Variants in CALCRL observed in about 807,000 individuals in gnomAD.
The protein encoded by CALCRL is calcitonin gene-related peptide type 1 receptor.
CALCRL carries 27 observed loss-of-function variants against 60.4 expected under a neutral mutation model. That is an observed-to-expected ratio of 0.45 (90% confidence interval 0.33 to 0.62). The LOEUF (loss-of-function observed/expected upper bound fraction) is 0.62, where lower values mean the gene tolerates loss of function less well. Among genes scored for constraint, CALCRL ranks in the 20% least tolerant of loss-of-function variants. CALCRL has a pLI of 0.03. For synonymous variants in CALCRL, 190 were observed against 182.6 expected (o/e 1.04, Z -0.33); for missense variants, 424 against 540.7 (o/e 0.78, Z 2.14).
chr2:187,374,892 A>AATC (rs1241422786), intron 8 of CALCRL, among the ~76,000 whole-genome samples: 3 of 152,176 alleles, frequency 2.0e-5, no homozygotes, highest in Non-Finnish European at 4.4e-5. Context: ...TTTAAAGCAA[A>AATC]ATCAGGCTAA....
intron 1 of CALCRL, among the ~76,000 whole-genome samples, chr2:187,421,305 A>G (rs376939455): frequency 4.6e-5 from 7 of 152,266 alleles, no homozygotes; most frequent in Admixed American, 3.3e-4. Flanking sequence ...TTGTGATTGA[A>G]ACCTTGTTAG....
intron 12 of CALCRL, among the ~76,000 whole-genome samples, chr2:187,354,507 T>C (rs145861423): frequency 4.2e-4 from 64 of 152,120 alleles, no homozygotes; most frequent in African/African-American, 1.5e-3. Context: ...GATTAAAATA[T>C]CTTATTTATA....
Position 187,346,187 on chromosome 2 carries a change from A to C in CALCRL, c.1383T>G (p.Asn461Lys). Residue 461 changes from asparagine (N) to lysine (K), a missense_variant, in exon 15 of 15, where the codon AAT becomes AAG. Physicochemically the swap from Asn to Lys is moderately conservative, Grantham distance 94. This residue lies in a region of CALCRL where 222 missense variants were observed against 265.6 expected (regional missense o/e 0.84). Coordinates refer to ENST00000392370, the MANE Select transcript of CALCRL (RefSeq NM_005795.6). The part of the protein sequence containing the change: ...NVLLKPENLY[N>K] ...TGAGACAACCATCCTTCTATTTTCA[A>C]TTATATAAATTTTCTGGTTTTAAGA... is the stretch of plus-strand genomic sequence containing the variant. 4.4e-6 allele frequency: 7 copies of C among 1,576,856 alleles called. No homozygotes were observed. The highest frequency in any genetic ancestry group is 6.1e-6 in the Non-Finnish European group (7 of 1,150,904).
rs1364672970 is a variant in CALCRL at position 187,344,159 on chromosome 2, T to G, written c.*2025A>C. The G allele has an allele frequency of 1.3e-5, 2 of 151,608 alleles. No homozygotes were observed. The highest frequency in any genetic ancestry group is 3.0e-5 in the Non-Finnish European group (2 of 67,674). The allele number at this position is 151,608 out of a possible 1,614,324, so 9.4% of individuals were successfully genotyped here. A position where few individuals can be genotyped will look rare whatever the true frequency, so the allele number is the denominator to read the frequency against. On this transcript the variant is annotated 3_prime_UTR_variant, in exon 15 of 15. Coordinates refer to ENST00000392370, the MANE Select transcript of CALCRL (RefSeq NM_005795.6). ...ATAATTGAGTTTATTAAAATGAATT[T>G]TTGTATAATTTAGGCAGTTGAAGGT...
Position 187,345,145 on chromosome 2 carries a change from T to TA in CALCRL, c.*1038dup, listed in dbSNP as rs1321717477. 1 of 152,202 alleles carries TA rather than the reference T, an allele frequency of 6.6e-6. No individual in the cohort carries two copies. Among genetic ancestry groups the TA allele is most frequent in the East Asian group, 1.9e-4 (1 of 5,184 alleles). The allele number at this position is 152,202 out of a possible 1,614,324, so 9.4% of individuals were successfully genotyped here. A position where few individuals can be genotyped will look rare whatever the true frequency, so the allele number is the denominator to read the frequency against. On this transcript the variant is annotated 3_prime_UTR_variant, in exon 15 of 15. Transcript: ENST00000392370. ...ATTTTATTTAAAAAATCAGCCCAGA[T>TA]ACAGTATCAGATATTAACATACACA...
chr2:187,421,013 A>G (rs1321308953), intron 1 of CALCRL, among the ~76,000 whole-genome samples: 2 of 152,198 alleles, frequency 1.3e-5, no homozygotes, highest in Non-Finnish European at 2.9e-5. Flanking sequence ...CTGGAACTGT[A>G]TGTGCCAGGA....
In CALCRL at chr2:187,380,497, C is replaced by T; in HGVS notation, c.378G>A (p.Gln126=). 6.2e-7 allele frequency: 1 copy of T among 1,609,668 alleles called. No individual in the cohort carries two copies. The highest frequency in any genetic ancestry group is 8.5e-7 in the Non-Finnish European group (1 of 1,176,270). The part of the protein sequence containing the change: ...ASNRTWTNYT[Q]CNVNTHEKVK... ...CTTTCTCGTGGGTGTTAACATTACA[C>T]TGGGTATAATTTGTCCATGTTCTGT... Residue 126 remains glutamine (Q), a synonymous_variant, in exon 7 of 15, where the codon CAG becomes CAA. Coordinates refer to ENST00000392370, the MANE Select transcript of CALCRL (RefSeq NM_005795.6).
At position 187,342,170 on chromosome 2, in the gene CALCRL, T is replaced by C. The variant is rs868742864; in HGVS notation, c.*4014A>G. Among the ~76,000 whole-genome samples the C allele has an allele frequency of 6.6e-6, 1 of 151,924 alleles. No homozygotes were observed. The highest frequency in any genetic ancestry group is 3.4e-3 in the Middle Eastern group (1 of 294). On this transcript the variant is annotated 3_prime_UTR_variant, in exon 15 of 15. Transcript: ENST00000392370. ...CACATACTATATGATTACAATCATA[T>C]GAAAGTCTAGAATAGGGAAATCTGT...
At chr2:187,368,960 G>C (rs1376786258) in intron 8 of CALCRL, among the ~76,000 whole-genome samples, 1 of 152,098 alleles carries the variant, frequency 6.6e-6, no homozygotes, top group Non-Finnish European at 1.5e-5. Flanking sequence ...GTTTACATAT[G>C]AGAAGTAGAT....
intron 1 of CALCRL, among the ~76,000 whole-genome samples, chr2:187,400,125 T>G (rs1395587240): frequency 1.3e-5 from 2 of 151,476 alleles, no homozygotes; most frequent in African/African-American, 2.4e-5. Context: ...ACAATATAAG[T>G]TCGAGGTGAT....
intron 1 of CALCRL, among the ~76,000 whole-genome samples, chr2:187,394,301 A>C (rs1350764136): frequency 6.6e-6 from 1 of 152,056 alleles, no homozygotes; most frequent in African/African-American, 2.4e-5. Flanking sequence ...TCTCCCCCAG[A>C]GTCTACAAAA....
intron 8 of CALCRL, among the ~76,000 whole-genome samples, chr2:187,367,657 TTAAA>T (rs1239293190): frequency 6.6e-6 from 1 of 152,108 alleles, no homozygotes; most frequent in Non-Finnish European, 1.5e-5. Flanking sequence ...CTTTAAATTC[TTAAA>T]TATTCTTATT....
intron 1 of CALCRL, among the ~76,000 whole-genome samples, chr2:187,398,012 A>G (rs554974547): frequency 9.9e-5 from 15 of 151,638 alleles, no homozygotes; most frequent in Non-Finnish European, 1.8e-4. Flanking sequence ...CACGGGACTG[A>G]TTTTCCCATT....
rs763422418 is a variant in CALCRL at position 187,385,596 on chromosome 2, CATT to C, written c.-4_-2del. 1.3e-6 allele frequency: 2 copies of C among 1,562,172 alleles called. No homozygotes were observed. The highest frequency in any genetic ancestry group is 2.3e-5 in the East Asian group (1 of 44,354). ...AATACAGGGTACACTTTTTCTCCAT[CATT>C]AAGCCAAAATGAAATATGCTGTATA... On this transcript the variant is annotated 5_prime_UTR_variant, in exon 4 of 15. It removes an upstream start codon present in the reference 5' UTR. Transcript: ENST00000392370.
At position 187,342,051 on chromosome 2, in the gene CALCRL, A is replaced by C. The variant is rs777599724; in HGVS notation, c.*4133T>G. Among the ~76,000 whole-genome samples, 1 of 151,936 alleles carries C rather than the reference A, an allele frequency of 6.6e-6. No homozygotes were observed. The highest frequency in any genetic ancestry group is 1.5e-5 in the Non-Finnish European group (1 of 67,836). On this transcript the variant is annotated 3_prime_UTR_variant, in exon 15 of 15. Transcript: ENST00000392370. ...GACAAATGAATAAATAAAATGTGGT[A>C]TGTTCACCCAATGGAATAAAAGGAA...
chr2:187,379,142 A>G (rs1687886907), intron 7 of CALCRL, 111 bp from the exon 8 acceptor site: 1 of 595,200 alleles, frequency 1.7e-6, no homozygotes, highest in Non-Finnish European at 3.0e-6. Flanking sequence ...TTTTAGAAAT[A>G]TGTGATCTGA....
At chr2:187,377,735 TAAC>T (rs2105773337) in intron 8 of CALCRL, among the ~76,000 whole-genome samples, 1 of 152,244 alleles carries the variant, frequency 6.6e-6, no homozygotes, top group African/African-American at 2.4e-5. Context: ...GAATTGATAA[TAAC>T]AACTTTTGTA....
chr2:187,359,118 C>A lies in CALCRL; in HGVS notation c.854G>T (p.Ser285Ile). The A allele has an allele frequency of 1.9e-6, 3 of 1,613,012 alleles. No individual in the cohort carries two copies. Among genetic ancestry groups the A allele is most frequent in the Non-Finnish European group, 1.7e-6 (2 of 1,179,178 alleles). The change falls in exon 12 of 15, where the codon AGT becomes ATT. Residue 285 changes from serine (S) to isoleucine (I), a missense_variant. By Grantham distance (142) the Ser-to-Ile change is moderately radical. Around this residue, in one of 7 missense-constraint regions of CALCRL, gnomAD observed 222 missense variants for 265.6 expected, o/e 0.84. Transcript: ENST00000392370. ...SLYYNDNCWI[S>I]SDTHLLYIIH... ...AATGTAGAGGAGATGGGTATCAGAACTGATCCAGCAACTAGAGAAAACATA... is the reference window on the plus strand; with the variant it reads ...AATGTAGAGGAGATGGGTATCAGAAATGATCCAGCAACTAGAGAAAACATA...
At chr2:187,437,999 A>G (rs1690725058) in intron 1 of CALCRL, among the ~76,000 whole-genome samples, 1 of 152,154 alleles carries the variant, frequency 6.6e-6, no homozygotes, top group Admixed American at 6.6e-5. Context: ...ATTTTTCTCA[A>G]AGTAAAGTTA....
Sources: gnomAD v4.1 joint callset for allele counts (sites outside exome capture counted in the v4.1 genomes callset) on GRCh38, gnomAD v4.1.1 for gene constraint, gnomAD v4.1.1 regional missense constraint, MANE v1.5 for transcripts, NCBI Gene and HGNC (gene_info 2026-07-23, HGNC 2026-07-21) for gene names.